Variants in PIK3C2G observed in about 807,000 individuals in gnomAD.
PIK3C2G encodes phosphatidylinositol-4-phosphate 3-kinase catalytic subunit type 2 gamma, also known as phosphatidylinositol 3-kinase C2 domain-containing subunit gamma.
A neutral mutation model predicts 181.1 loss-of-function variants in PIK3C2G; 168 were observed. The observed-to-expected ratio is 0.93, with a 90% CI of 0.82 to 1.05. The LOEUF (loss-of-function observed/expected upper bound fraction) is 1.05, where lower values mean the gene tolerates loss of function less well. Ranked by LOEUF, PIK3C2G falls within the 50% of genes least tolerant of loss-of-function variation. The pLI is 0.00. For synonymous variants in PIK3C2G, 573 were observed against 592.2 expected, an observed-to-expected ratio of 0.97 and a Z score of 0.47; for missense variants, 1,869 against 1,732.8, an observed-to-expected ratio of 1.08 and a Z score of -1.40.
intron 29 of PIK3C2G, among the ~76,000 whole-genome samples, chr12:18,569,090 C>T (rs1009025683): frequency 2.0e-5 from 3 of 152,180 alleles, no homozygotes; most frequent in East Asian, 1.9e-4. Context: ...GTCATTTGCT[C>T]ATCAAATAGA....
At chr12:18,697,829 T>C in the PIK3C2G span, among the ~76,000 whole-genome samples, 2,048 of 152,136 alleles carry the variant, frequency 0.013, 57 homozygotes, top group African/African-American at 0.048. Context: ...ATTATGTTTA[T>C]AATAATAATT....
rs780884296 is a variant in PIK3C2G at position 18,338,435 on chromosome 12, T to A, written c.1282T>A (p.Tyr428Asn). ...KYLLKTQENV[Y>N]NIIEEVKKIC... is the part of the protein sequence containing the mutation. Reference sequence around the variant, plus strand: ...ATCTTGTTATCTACAGGAAAACGTGTATAATATTATTGAAGAAGTTAAAAA... The same window carrying A: ...ATCTTGTTATCTACAGGAAAACGTGAATAATATTATTGAAGAAGTTAAAAA... Residue 428 changes from tyrosine (Y) to asparagine (N), a missense_variant, in exon 9 of 33, where the codon TAT becomes AAT. Tyr to Asn is a moderately radical substitution (Grantham distance 143, BLOSUM62 -2). Coordinates refer to ENST00000538779, the MANE Select transcript of PIK3C2G (RefSeq NM_001288772.2). 1 of 1,565,208 alleles carries A rather than the reference T, an allele frequency of 6.4e-7. No individual in the cohort carries two copies. Among genetic ancestry groups the A allele is most frequent in the Non-Finnish European group, 8.8e-7 (1 of 1,139,592 alleles).
intron 29 of PIK3C2G, among the ~76,000 whole-genome samples, chr12:18,582,645 G>A (rs531219313): frequency 3.3e-5 from 5 of 152,246 alleles, no homozygotes; most frequent in Non-Finnish European, 5.9e-5. Flanking sequence ...GGCAGGATGA[G>A]ACCCACTGGC....
At chr12:18,257,690 AAAAG>A (rs1350002860), upstream of PIK3C2G, among the ~76,000 whole-genome samples, 7 of 151,208 alleles carry the variant, frequency 4.6e-5, no homozygotes, top group African/African-American at 9.7e-5. Context: ...GAAAGAAGAA[AAAAG>A]AAAGAAGACA....
At chr12:18,619,162 CAG>C (rs970496468) in intron 31 of PIK3C2G, among the ~76,000 whole-genome samples, 41 of 151,368 alleles carry the variant, frequency 2.7e-4, no homozygotes, top group African/African-American at 9.0e-4. Context: ...TATCTTGAAA[CAG>C]AGAAAAACAA....
rs531681433 is a variant in PIK3C2G at position 18,355,572 on chromosome 12, T to C, written c.1626-7192T>C. Among the ~76,000 whole-genome samples the C allele has an allele frequency of 6.3e-4, 96 of 151,834 alleles. 3 individuals are homozygous for C. The South Asian group carries it at 0.019, about 30-fold the overall frequency. ...GCACTGGCCAGCCGGCTGCACGGGG[T>C]CCCTGGCCCCAAAGACTACCCTGGG... On this transcript the variant is annotated intron_variant, in intron 11 of 32. Transcript: ENST00000538779.
the PIK3C2G span, chr12:18,699,874 T>G: frequency 6.2e-7 from 1 of 1,612,936 alleles, no homozygotes; most frequent in African/African-American, 1.3e-5. Context: ...TCTTGAATGT[T>G]GAAAGCTTTT....
chr12:18,340,493 G>A (rs1418589052), intron 9 of PIK3C2G, among the ~76,000 whole-genome samples: 2 of 152,102 alleles, frequency 1.3e-5, no homozygotes, highest in Non-Finnish European at 1.5e-5. Context: ...ATATGATGCT[G>A]AAAAAGGGCT....
intron 7 of PIK3C2G, among the ~76,000 whole-genome samples, chr12:18,323,549 A>G (rs1163943013): frequency 6.6e-6 from 1 of 152,008 alleles, no homozygotes; most frequent in Admixed American, 6.6e-5. Flanking sequence ...CAGCTTCATA[A>G]AGGCCACTGT....
chr12:18,565,425 T>C (rs562160171), intron 28 of PIK3C2G, among the ~76,000 whole-genome samples: 2 of 152,158 alleles, frequency 1.3e-5, no homozygotes, highest in Non-Finnish European at 2.9e-5. Context: ...CTCCCAACCA[T>C]CCAAAATTTT....
intron 18 of PIK3C2G, among the ~76,000 whole-genome samples, chr12:18,443,457 T>G (rs913302971): frequency 2.9e-4 from 26 of 89,674 alleles, no homozygotes; most frequent in African/African-American, 9.4e-4. Flanking sequence ...GCTTTAAAGT[T>G]TTTTTTTCAT....
At chr12:18,330,805 G>T (rs1033508453) in intron 8 of PIK3C2G, among the ~76,000 whole-genome samples, 5 of 152,106 alleles carry the variant, frequency 3.3e-5, no homozygotes, top group Admixed American at 2.0e-4. Flanking sequence ...TAGGACATAT[G>T]TATTGAAAAC....
the PIK3C2G span, chr12:18,693,325 C>A: frequency 6.5e-7 from 1 of 1,546,796 alleles, no homozygotes; most frequent in Non-Finnish European, 8.9e-7. Flanking sequence ...CCCCAAGAGA[C>A]CTATGCAGAT....
intron 31 of PIK3C2G, among the ~76,000 whole-genome samples, chr12:18,614,219 A>T (rs1426926956): frequency 6.6e-6 from 1 of 152,090 alleles, no homozygotes; most frequent in Non-Finnish European, 1.5e-5. Flanking sequence ...CCATTTTGAC[A>T]TTGATCTACC....
intron 16 of PIK3C2G, among the ~76,000 whole-genome samples, chr12:18,402,688 G>T (rs1944314776): frequency 1.3e-5 from 2 of 152,046 alleles, no homozygotes; most frequent in South Asian, 2.1e-4. Flanking sequence ...TTGTAATACT[G>T]CTCTGTTTAC....
At chr12:18,437,013 C>T (rs1946487472) in intron 18 of PIK3C2G, among the ~76,000 whole-genome samples, 1 of 151,966 alleles carries the variant, frequency 6.6e-6, no homozygotes, top group Non-Finnish European at 1.5e-5. Flanking sequence ...CATTGAGATT[C>T]TCTATGAGCA....
the PIK3C2G span, among the ~76,000 whole-genome samples, chr12:18,672,772 G>A: frequency 6.6e-5 from 10 of 152,212 alleles, no homozygotes; most frequent in South Asian, 2.1e-3. Context: ...TCAACCTCCT[G>A]GTAGGCTGCT....
chr12:18,388,121 T>G (rs146221723), intron 14 of PIK3C2G, among the ~76,000 whole-genome samples: 485 of 152,298 alleles, frequency 3.2e-3, no homozygotes, highest in Non-Finnish European at 5.8e-3. Flanking sequence ...GAGATCCTTT[T>G]TTTTTTCTCA....
chr12:18,659,316 G>A, the PIK3C2G span, among the ~76,000 whole-genome samples: 1 of 152,082 alleles, frequency 6.6e-6, no homozygotes, highest in Non-Finnish European at 1.5e-5. Flanking sequence ...GAAAACAAAA[G>A]TAGTCAGACA....
Sources: gnomAD v4.1 joint callset for allele counts (sites outside exome capture counted in the v4.1 genomes callset) on GRCh38, gnomAD v4.1.1 for gene constraint, MANE v1.5 for transcripts, NCBI Gene and HGNC (gene_info 2026-07-23, HGNC 2026-07-21) for gene names.